The following PCDHA2 variants were observed in gnomAD, a reference collection of about 807,000 sequenced individuals.
PCDHA2 encodes the protein protocadherin alpha-2.
A neutral mutation model predicts 66.0 loss-of-function variants in PCDHA2; 58 were observed. That is an observed-to-expected ratio of 0.88 (90% CI 0.71 to 1.09). The LOEUF (loss-of-function observed/expected upper bound fraction) is 1.09. PCDHA2 is among the 50% of genes least tolerant of loss of function. The pLI is 0.00. For missense variants in PCDHA2, 1,267 were observed against 1,242.3 expected, an observed-to-expected ratio of 1.02 and a Z score of -0.30; for synonymous variants, 634 against 554.0, an observed-to-expected ratio of 1.14 and a Z score of -2.03.
At chr5:140,799,510 T>C (rs1762438807) in intron 1 of PCDHA2, among the ~76,000 whole-genome samples, 1 of 152,002 alleles carries the variant, frequency 6.6e-6, no homozygotes, top group Non-Finnish European at 1.5e-5. Flanking sequence ...AAATAATGCT[T>C]AAATGTTTAC....
chr5:140,839,624 T>C (rs1776330895), intron 1 of PCDHA2, among the ~76,000 whole-genome samples: 1 of 152,036 alleles, frequency 6.6e-6, no homozygotes, highest in South Asian at 2.1e-4. Context: ...TCCTGAGATA[T>C]CGAGAAATAC....
Position 140,797,267 on chromosome 5 carries a change from A to T in PCDHA2, c.2303A>T (p.Asp768Val). The change falls in exon 1 of 4, where the codon GAC becomes GTC. Residue 768 changes from aspartate to valine, a missense_variant. Transcript: ENST00000526136. ...TCTGGGGAGGACCCCCCCAAGACGGACCTCATGGCCTTCAGCCCTAGCTTA... is the reference window on the plus strand; with the variant it reads ...TCTGGGGAGGACCCCCCCAAGACGGTCCTCATGGCCTTCAGCCCTAGCTTA... ...VCSGEDPPKT[D>V]LMAFSPSLSQ... 6.2e-7 allele frequency: 1 copy of T among 1,614,194 alleles called. No homozygotes were observed. The highest frequency in any genetic ancestry group is 8.5e-7 in the Non-Finnish European group (1 of 1,180,038).
rs2150255881 is a variant in PCDHA2, at chr5:140,836,226, G to T, written c.2388+38874G>T. 193 of 1,613,826 alleles carry T rather than the reference G, an allele frequency of 1.2e-4. 3 individuals carry two copies. The East Asian group carries it at 3.9e-3, about 32-fold the overall frequency. ...GCTTTCGTATGAGTTGCAACCGGTG[G>T]CGGCCGGTGCGAGCATCCCGTTCCG... On this transcript the variant is annotated intron_variant, in intron 1 of 3. Transcript: ENST00000526136.
intron 1 of PCDHA2, among the ~76,000 whole-genome samples, chr5:140,973,394 A>C (rs1263015635): frequency 6.6e-6 from 1 of 152,244 alleles, no homozygotes; most frequent in African/African-American, 2.4e-5. Flanking sequence ...CAAAGAAATC[A>C]TATCTATGAG....
At chr5:140,871,203 C>T in intron 1 of PCDHA2, 1 of 1,613,744 alleles carries the variant, frequency 6.2e-7, no homozygotes, top group East Asian at 2.2e-5. Context: ...TGTACCTGAT[C>T]ATCGCCATCT....
rs190994194 is a variant in PCDHA2, at chr5:140,913,276, C to T, written c.2389-65673C>T. On this transcript the variant is annotated intron_variant, in intron 1 of 3. Transcript: ENST00000526136. ...TTTGATCTAATTACTTGTTATTGGTCTGTTTAGGTTTTAATTTCTTCATAG... is the reference window on the plus strand; with the variant it reads ...TTTGATCTAATTACTTGTTATTGGTTTGTTTAGGTTTTAATTTCTTCATAG... Among the ~76,000 whole-genome samples, 291 of 152,186 alleles carry T rather than the reference C, an allele frequency of 1.9e-3. 1 individual carries two copies. The highest frequency in any genetic ancestry group is 0.01 in the Middle Eastern group (3 of 294).
chr5:140,824,647 TA>T (rs1316143665), intron 1 of PCDHA2: 2 of 129,788 alleles, frequency 1.5e-5, no homozygotes, highest in East Asian at 4.6e-4. Context: ...TCTGTAGAGA[TA>T]GGGGTCTTGC....
chr5:140,816,784 A>T (rs1765989426), intron 1 of PCDHA2: 1 of 150,846 alleles, frequency 6.6e-6, no homozygotes, highest in African/African-American at 2.4e-5. Flanking sequence ...AATTAGAGGG[A>T]TCTGCCAGCT....
intron 3 of PCDHA2, among the ~76,000 whole-genome samples, chr5:140,990,262 C>T (rs2097383201): frequency 6.6e-6 from 1 of 152,152 alleles, no homozygotes; most frequent in South Asian, 2.1e-4. Context: ...GGATACCAAA[C>T]AATGTACCCC....
chr5:140,814,516 AG>A (rs1554126542), intron 1 of PCDHA2: 1 of 152,172 alleles, frequency 6.6e-6, no homozygotes, highest in African/African-American at 2.4e-5. Context: ...ACCACTAAAA[AG>A]TATAGTAAAT....
rs2041307506 is a variant in PCDHA2 at position 140,850,030 on chromosome 5, C to A, written c.2388+52678C>A. 3.8e-6 allele frequency: 6 copies of A among 1,596,712 alleles called. 2 individuals carry two copies. The highest frequency in any genetic ancestry group is 5.1e-6 in the Non-Finnish European group (6 of 1,167,808). On this transcript the variant is annotated intron_variant, in intron 1 of 3. Coordinates refer to ENST00000526136, the MANE Select transcript of PCDHA2 (RefSeq NM_018905.3). ...CTGTCGAGCTACGTGTCAGTGCACG[C>A]GGAGAGCGGCAAGGTGTACGCGCTG...
intron 1 of PCDHA2, chr5:140,870,531 G>C (rs1554164370): frequency 6.2e-7 from 1 of 1,614,196 alleles, no homozygotes; most frequent in Admixed American, 1.7e-5. Flanking sequence ...TCTTCACAGT[G>C]TCGGCGCGGG....
intron 1 of PCDHA2, chr5:140,875,979 C>G: frequency 3.7e-6 from 6 of 1,613,984 alleles, no homozygotes; most frequent in Non-Finnish European, 5.1e-6. Flanking sequence ...CTCTTTTGAC[C>G]TATGCGTTAA....
chr5:140,841,736 A>C, intron 1 of PCDHA2: 1 of 1,613,716 alleles, frequency 6.2e-7, no homozygotes, highest in South Asian at 1.1e-5. Flanking sequence ...AAAAGACCAA[A>C]AGCTGTTTGT....
chr5:140,953,456 C>T (rs1159331179), intron 1 of PCDHA2, among the ~76,000 whole-genome samples: 1 of 152,110 alleles, frequency 6.6e-6, no homozygotes, highest in Admixed American at 6.5e-5. Context: ...GATTATCTGT[C>T]AGAGTTTTAA....
Position 140,795,400 on chromosome 5 carries a change from A to G in PCDHA2, c.436A>G (p.Arg146Gly), listed in dbSNP as rs782032451. Residue 146 changes from arginine (R) to glycine (G), a missense_variant, in exon 1 of 4, where the codon AGG (arginine) becomes GGG (glycine). Physicochemically the swap from Arg to Gly is moderately radical, Grantham distance 125 (BLOSUM62 -2). Coordinates refer to ENST00000526136, the MANE Select transcript of PCDHA2 (RefSeq NM_018905.3). ...AAAGACTATCCGGTTTCCCGAATCAAGGCTGCTTGATTCTCGGTTTCCTCT... is the reference window on the plus strand; with the variant it reads ...AAAGACTATCCGGTTTCCCGAATCAGGGCTGCTTGATTCTCGGTTTCCTCT... ...TVKTIRFPES[R>G]LLDSRFPLEG... 1.2e-6 allele frequency: 2 copies of G among 1,614,212 alleles called. No homozygotes were observed. Among genetic ancestry groups the G allele is most frequent in the South Asian group, 2.2e-5 (2 of 91,082 alleles).
At chr5:140,967,921 C>A (rs781932025) in intron 1 of PCDHA2, 3 of 1,614,172 alleles carry the variant, frequency 1.9e-6, no homozygotes, top group Middle Eastern at 3.3e-4. Context: ...CCATTGTGGC[C>A]GTTCTCAGTG....
intron 1 of PCDHA2, among the ~76,000 whole-genome samples, chr5:140,948,767 T>G (rs1266601836): frequency 6.6e-6 from 1 of 151,640 alleles, no homozygotes; most frequent in Non-Finnish European, 1.5e-5. Context: ...TTTTTTCGAA[T>G]AGCCAGCTTT....
intron 3 of PCDHA2, among the ~76,000 whole-genome samples, chr5:140,992,421 A>C (rs1412648457): frequency 6.6e-6 from 1 of 152,164 alleles, no homozygotes; most frequent in African/African-American, 2.4e-5. Flanking sequence ...CAGGTCTAAG[A>C]ATATTGTTCC....
Sources: allele counts gnomAD v4.1 joint callset (sites outside exome capture counted in the v4.1 genomes callset), GRCh38; gene constraint gnomAD v4.1.1; transcripts MANE v1.5; gene names NCBI Gene and HGNC (gene_info 2026-07-23, HGNC 2026-07-21).